Variants in CSMD1 observed in about 807,000 individuals in gnomAD.
CSMD1 encodes the protein CUB and sushi domain-containing protein 1.
A neutral mutation model predicts 417.5 loss-of-function variants in CSMD1; 213 were observed. The ratio of observed to expected loss-of-function variants is 0.51; its 90% CI spans 0.46 to 0.57. The LOEUF (loss-of-function observed/expected upper bound fraction) is 0.57. Among genes scored for constraint, CSMD1 ranks in the 20% least tolerant of loss-of-function variants. The pLI is 0.00. For missense variants in CSMD1, 6,923 were observed against 4,529.7 expected, an observed-to-expected ratio of 1.53 and a Z score of -15.17; for synonymous variants, 2,862 against 1,736.8, an observed-to-expected ratio of 1.65 and a Z score of -16.11.
Position 3,616,451 on chromosome 8 carries a change from G to A in CSMD1, c.1097+259C>T, listed in dbSNP as rs1019243337. Among the ~76,000 whole-genome samples, 6 of 152,076 alleles carry A rather than the reference G, an allele frequency of 3.9e-5. No homozygotes were observed. The South Asian group carries it at 6.2e-4, about 16-fold the overall frequency. The stretch of plus-strand genomic sequence containing the variant: ...ATGCTGAACTATGAGTCAATTAAAC[G>A]TCTTTCCTTTATAAATTACCCACTC... On this transcript the variant is annotated intron_variant, in intron 8 of 69. Coordinates refer to ENST00000635120, the MANE Select transcript of CSMD1 (RefSeq NM_033225.6).
At chr8:3,390,600 C>T (rs1811293031) in intron 17 of CSMD1, among the ~76,000 whole-genome samples, 1 of 151,882 alleles carries the variant, frequency 6.6e-6, no homozygotes, top group South Asian at 2.1e-4. Flanking sequence ...CCCACTCCTT[C>T]TTACTTGAAC....
intron 10 of CSMD1, among the ~76,000 whole-genome samples, chr8:3,502,282 G>A (rs541692130): frequency 3.9e-4 from 57 of 147,968 alleles, no homozygotes; most frequent in African/African-American, 1.0e-3. Flanking sequence ...GGAGACTGAC[G>A]CGAACCCAGG....
chr8:3,344,302 G>T (rs1035950218), intron 22 of CSMD1, among the ~76,000 whole-genome samples: 1 of 152,150 alleles, frequency 6.6e-6, no homozygotes, highest in South Asian at 2.1e-4. Context: ...TCAGGTAACA[G>T]AAACAGCACT....
intron 26 of CSMD1, among the ~76,000 whole-genome samples, chr8:3,241,858 G>A (rs1440297723): frequency 6.6e-6 from 1 of 151,978 alleles, no homozygotes; most frequent in South Asian, 2.1e-4. Flanking sequence ...CACCTTGAAG[G>A]CGACGTTAAT....
At chr8:4,754,996 G>C (rs541642679) in intron 1 of CSMD1, among the ~76,000 whole-genome samples, 1 of 151,634 alleles carries the variant, frequency 6.6e-6, no homozygotes, top group Non-Finnish European at 1.5e-5. Context: ...AAATCAGCCG[G>C]GCATGGTGGC....
intron 7 of CSMD1, among the ~76,000 whole-genome samples, chr8:3,656,883 C>T (rs901248064): frequency 7.2e-5 from 11 of 151,792 alleles, no homozygotes; most frequent in Admixed American, 3.3e-4. Flanking sequence ...CAAGATCACA[C>T]CACTGCACTC....
chr8:2,996,406 T>C (rs890274122), intron 54 of CSMD1, among the ~76,000 whole-genome samples: 1 of 152,216 alleles, frequency 6.6e-6, no homozygotes, highest in African/African-American at 2.4e-5. Flanking sequence ...AGATTTTCAC[T>C]GAGATAATGC....
At chr8:4,653,220 G>A (rs1394798364) in intron 1 of CSMD1, among the ~76,000 whole-genome samples, 2 of 152,042 alleles carry the variant, frequency 1.3e-5, no homozygotes, top group Non-Finnish European at 2.9e-5. Flanking sequence ...TAAAGCAAAT[G>A]ACTTTTCATC....
chr8:3,470,013 G>A (rs547693317), intron 11 of CSMD1, among the ~76,000 whole-genome samples: 22 of 152,196 alleles, frequency 1.4e-4, no homozygotes, highest in African/African-American at 5.3e-4. Context: ...AAGCCAAAAA[G>A]CGCACAGATC....
At chr8:3,059,480 C>G (rs368936989) in intron 49 of CSMD1, among the ~76,000 whole-genome samples, 42 of 152,208 alleles carry the variant, frequency 2.8e-4, no homozygotes, top group Middle Eastern at 3.4e-3. Context: ...CGCTGTGAAG[C>G]GAAAATGCTG....
At chr8:4,371,721 T>G (rs1292306227) in intron 3 of CSMD1, among the ~76,000 whole-genome samples, 1 of 152,266 alleles carries the variant, frequency 6.6e-6, no homozygotes, top group Non-Finnish European at 1.5e-5. Flanking sequence ...TATGTATGTA[T>G]GTTTTTATGT....
chr8:3,818,508 C>T (rs1302652345), intron 5 of CSMD1, among the ~76,000 whole-genome samples: 2 of 152,164 alleles, frequency 1.3e-5, no homozygotes, highest in Admixed American at 6.5e-5. Flanking sequence ...AGAGATACAA[C>T]TGCAGATTAG....
At chr8:4,957,371 A>G (rs1053388903) in intron 1 of CSMD1, among the ~76,000 whole-genome samples, 7 of 152,192 alleles carry the variant, frequency 4.6e-5, no homozygotes, top group Non-Finnish European at 4.4e-5. Flanking sequence ...GTGAAAAATT[A>G]TGTTCAAAAA....
intron 12 of CSMD1, among the ~76,000 whole-genome samples, chr8:3,449,329 A>T (rs1347072709): frequency 1.3e-5 from 2 of 152,156 alleles, no homozygotes; most frequent in African/African-American, 4.8e-5. Flanking sequence ...ATCAGCACAA[A>T]CTCAATATAA....
intron 1 of CSMD1, among the ~76,000 whole-genome samples, chr8:4,652,102 A>G (rs1392471203): frequency 6.6e-6 from 1 of 152,206 alleles, no homozygotes; most frequent in African/African-American, 2.4e-5. Context: ...TTTTTTTCCA[A>G]TTAAATTAAT....
chr8:3,985,594 G>T (rs1322384610), intron 5 of CSMD1, among the ~76,000 whole-genome samples: 1 of 152,112 alleles, frequency 6.6e-6, no homozygotes, highest in African/African-American at 2.4e-5. Context: ...ATTTGAAGGG[G>T]CGCCACCTTC....
At chr8:4,379,483 T>A (rs182641799) in intron 3 of CSMD1, among the ~76,000 whole-genome samples, 1 of 152,188 alleles carries the variant, frequency 6.6e-6, no homozygotes, top group African/African-American at 2.4e-5. Flanking sequence ...GTTTTGACAA[T>A]TGCATTCTGG....
At chr8:2,939,509 C>A (rs1395830544) in intron 69 of CSMD1, among the ~76,000 whole-genome samples, 1 of 152,184 alleles carries the variant, frequency 6.6e-6, no homozygotes, top group African/African-American at 2.4e-5. Context: ...ACTGAAAAGA[C>A]AGAATCATGT....
At chr8:3,876,599 G>A (rs1315611118) in intron 5 of CSMD1, among the ~76,000 whole-genome samples, 3 of 151,992 alleles carry the variant, frequency 2.0e-5, no homozygotes, top group Non-Finnish European at 4.4e-5. Context: ...ATGCTTCATG[G>A]TATTGTTTTT....
Sources: gnomAD v4.1 joint callset for allele counts (sites outside exome capture counted in the v4.1 genomes callset) on GRCh38, gnomAD v4.1.1 for gene constraint, MANE v1.5 for transcripts, NCBI Gene and HGNC (gene_info 2026-07-23, HGNC 2026-07-21) for gene names.